The following CIMIP2C variants were observed in gnomAD, a reference collection of about 807,000 sequenced individuals.
CIMIP2C encodes ciliary microtubule inner protein 2C, also known as UPF0573 protein C2orf70.
the CIMIP2C span, among the ~76,000 whole-genome samples, chr2:26,574,074 G>A: frequency 1.5e-4 from 23 of 152,234 alleles, no homozygotes; most frequent in African/African-American, 2.4e-4. Flanking sequence ...GGAGACCGAG[G>A]CCCAAGGCAC....
chr2:26,573,979 G>A, the CIMIP2C span, among the ~76,000 whole-genome samples: 36 of 152,324 alleles, frequency 2.4e-4, no homozygotes, highest in South Asian at 4.1e-4. Context: ...ACTCGGCTTC[G>A]CTTCCTTGCC....
the CIMIP2C span, among the ~76,000 whole-genome samples, chr2:26,573,220 C>A: frequency 1.3e-5 from 2 of 152,050 alleles, no homozygotes; most frequent in African/African-American, 4.8e-5. Context: ...GCAGAAGATG[C>A]AGCGTATTCC....
the CIMIP2C span, chr2:26,578,599 C>T: frequency 3.4e-5 from 12 of 355,902 alleles, no homozygotes; most frequent in Admixed American, 4.1e-4. Context: ...CCCATCACCA[C>T]CTCTAGGACT....
chr2:26,571,867 A>G, the CIMIP2C span, among the ~76,000 whole-genome samples: 7 of 152,246 alleles, frequency 4.6e-5, no homozygotes, highest in South Asian at 1.4e-3. Context: ...AACTTTATAA[A>G]AATATAATCA....
the CIMIP2C span, among the ~76,000 whole-genome samples, chr2:26,568,882 A>G: frequency 1.2e-4 from 18 of 152,178 alleles, no homozygotes; most frequent in African/African-American, 4.1e-4. Flanking sequence ...TTAGCTGGGC[A>G]TAGTGGCGGG....
At chr2:26,565,357 C>G in the CIMIP2C span, among the ~76,000 whole-genome samples, 1 of 152,228 alleles carries the variant, frequency 6.6e-6, no homozygotes, top group Non-Finnish European at 1.5e-5. Context: ...TCCCAAAGTG[C>G]TGGGATTACA....
the CIMIP2C span, among the ~76,000 whole-genome samples, chr2:26,569,259 G>A: frequency 6.6e-6 from 1 of 152,074 alleles, no homozygotes; most frequent in South Asian, 2.1e-4. Context: ...AAAATGGTGT[G>A]GAGTTGCCAG....
chr2:26,573,602 G>C, the CIMIP2C span, among the ~76,000 whole-genome samples: 1 of 152,244 alleles, frequency 6.6e-6, no homozygotes, highest in Non-Finnish European at 1.5e-5. Context: ...ACAGGAGAGA[G>C]AGCAAGGCAC....
chr2:26,576,277 C>T, the CIMIP2C span: 79 of 1,331,882 alleles, frequency 5.9e-5, no homozygotes, highest in Non-Finnish European at 8.0e-5. Context: ...CTCGCACCTG[C>T]CACAGTGTCT....
chr2:26,563,647 G>T, the CIMIP2C span, among the ~76,000 whole-genome samples: 1 of 152,204 alleles, frequency 6.6e-6, no homozygotes, highest in Non-Finnish European at 1.5e-5. Flanking sequence ...AATGTCTTGA[G>T]GATTCTGCAG....
the CIMIP2C span, among the ~76,000 whole-genome samples, chr2:26,571,765 T>C: frequency 6.6e-6 from 1 of 152,154 alleles, no homozygotes; most frequent in Non-Finnish European, 1.5e-5. Context: ...CAGGGTGGTA[T>C]GGCTGTAGAC....
the CIMIP2C span, among the ~76,000 whole-genome samples, chr2:26,565,808 G>A: frequency 6.6e-6 from 1 of 152,346 alleles, no homozygotes; most frequent in African/African-American, 2.4e-5. Context: ...TTCAAGATCT[G>A]GTTCTAGGAA....
chr2:26,575,264 C>T, the CIMIP2C span, among the ~76,000 whole-genome samples: 4 of 152,190 alleles, frequency 2.6e-5, no homozygotes, highest in South Asian at 2.1e-4. Context: ...AAGGCTGCGG[C>T]GTCCTGAACC....
the CIMIP2C span, among the ~76,000 whole-genome samples, chr2:26,574,046 C>T: frequency 3.3e-5 from 5 of 152,230 alleles, no homozygotes; most frequent in Admixed American, 1.3e-4. Context: ...TTCCAGGCAG[C>T]GCCCGTTCTG....
the CIMIP2C span, among the ~76,000 whole-genome samples, chr2:26,568,544 C>A: frequency 2.6e-5 from 4 of 152,208 alleles, no homozygotes; most frequent in Admixed American, 2.0e-4. Flanking sequence ...TCCTTCTCTC[C>A]AGAAGAAAGG....
At chr2:26,562,796 G>A in the CIMIP2C span, 3 of 950,606 alleles carry the variant, frequency 3.2e-6, no homozygotes, top group South Asian at 2.9e-5. Context: ...ACCCCGAGGA[G>A]CCAATTTTCC....
the CIMIP2C span, chr2:26,576,198 G>A: frequency 1.3e-6 from 2 of 1,598,404 alleles, no homozygotes; most frequent in African/African-American, 1.3e-5. Flanking sequence ...GGGCTGCCCT[G>A]TGGCCTCCCC....
chr2:26,571,377 G>A, the CIMIP2C span, among the ~76,000 whole-genome samples: 1 of 152,308 alleles, frequency 6.6e-6, no homozygotes, highest in Admixed American at 6.5e-5. Flanking sequence ...CCCTCCTTGT[G>A]GTTGATAGCA....
the CIMIP2C span, chr2:26,577,709 A>G: frequency 6.1e-6 from 6 of 978,740 alleles, no homozygotes; most frequent in African/African-American, 9.7e-5. Context: ...CATGCACAGC[A>G]CACAGACTGA....
Sources: gnomAD v4.1 joint callset for allele counts (sites outside exome capture counted in the v4.1 genomes callset) on GRCh38, gnomAD v4.1.1 for gene constraint, MANE v1.5 for transcripts, NCBI Gene and HGNC (gene_info 2026-07-23, HGNC 2026-07-21) for gene names.